Variants in OR51B5 observed in about 807,000 individuals in gnomAD.
The protein encoded by OR51B5 is olfactory receptor 51B5.
For synonymous variants in OR51B5, 186 were observed against 144.8 expected (o/e 1.28, Z -2.04); for missense variants, 456 against 374.6 (o/e 1.22, Z -1.79).
At chr11:5,405,020 C>G (rs1221940001) in intron 1 of OR51B5, among the ~76,000 whole-genome samples, 1 of 152,150 alleles carries the variant, frequency 6.6e-6, no homozygotes, top group African/African-American at 2.4e-5. Context: ...ACCAAGAACC[C>G]ACCGTTGCAG....
At chr11:5,360,767 T>G (rs1849271764) in intron 1 of OR51B5, among the ~76,000 whole-genome samples, 1 of 147,458 alleles carries the variant, frequency 6.8e-6, no homozygotes. Flanking sequence ...ATAGACTGGA[T>G]TAAGAAAACG....
intron 1 of OR51B5, among the ~76,000 whole-genome samples, chr11:5,359,167 A>T (rs948129511): frequency 2.0e-5 from 3 of 152,066 alleles, no homozygotes; most frequent in South Asian, 2.1e-4. Flanking sequence ...GAGAAGGAAA[A>T]AAAGGTATTC....
At chr11:5,355,933 AAACT>A (rs1469380301) in intron 1 of OR51B5, among the ~76,000 whole-genome samples, 4 of 152,190 alleles carry the variant, frequency 2.6e-5, no homozygotes, top group Non-Finnish European at 5.9e-5. Flanking sequence ...GTTAGAAGGA[AAACT>A]AACAAACAGA....
Position 5,453,872 on chromosome 11 carries a change from C to T in OR51B5, n.84+51697G>A, listed in dbSNP as rs1008809851. 37 of 1,614,214 alleles carry T rather than the reference C, an allele frequency of 2.3e-5. No homozygotes were observed. In the African/African-American group the frequency reaches 4.4e-4, roughly 19 times the overall value. The stretch of plus-strand genomic sequence containing the variant: ...TTGACCGCTATGTGGCCATTTGTGA[C>T]CCCTTGCGCTATGCAACTGTGCTCA... On this transcript the variant is annotated intron_variant and non_coding_transcript_variant, in intron 1 of 4. Transcript: ENST00000415970.
chr11:5,422,837 C>A (rs755829195), intron 1 of OR51B5: 1 of 1,614,130 alleles, frequency 6.2e-7, no homozygotes, highest in Non-Finnish European at 8.5e-7. Context: ...TATCGTGGAT[C>A]CTCTGCTCAT....
chr11:5,415,341 C>T (rs1392771398), intron 1 of OR51B5, among the ~76,000 whole-genome samples: 1 of 150,826 alleles, frequency 6.6e-6, no homozygotes, highest in Non-Finnish European at 1.5e-5. Context: ...CCAAAATTGA[C>T]ACCCTAACAT....
chr11:5,499,195 C>T (rs1851687713), intron 1 of OR51B5, among the ~76,000 whole-genome samples: 1 of 144,994 alleles, frequency 6.9e-6, no homozygotes, highest in Non-Finnish European at 1.5e-5. Context: ...GGCCCCAGTG[C>T]CTCCCTATCC....
chr11:5,449,397 C>G (rs1196121642), intron 1 of OR51B5: 4 of 152,254 alleles, frequency 2.6e-5, no homozygotes, highest in Non-Finnish European at 5.9e-5. Context: ...AATAAGCCAG[C>G]TGATTCTCCT....
chr11:5,342,675 G>A (rs779768548), exon 1 of OR51B5: 1 of 1,614,032 alleles, frequency 6.2e-7, no homozygotes, highest in Non-Finnish European at 8.5e-7. Context: ...GGATTCATTA[G>A]TGGAGGGAAC....
chr11:5,383,668 G>C (rs952401593), intron 1 of OR51B5: 2 of 152,180 alleles, frequency 1.3e-5, no homozygotes, highest in African/African-American at 4.8e-5. Flanking sequence ...TAAAAAGTTA[G>C]GGCTCTTCAG....
At chr11:5,379,258 C>G (rs1349771646) in intron 1 of OR51B5, among the ~76,000 whole-genome samples, 1 of 151,820 alleles carries the variant, frequency 6.6e-6, no homozygotes, top group Non-Finnish European at 1.5e-5. Context: ...GGGAACTGAA[C>G]AATGAGAACA....
intron 1 of OR51B5, among the ~76,000 whole-genome samples, chr11:5,384,425 C>A (rs1036950947): frequency 6.6e-6 from 1 of 152,168 alleles, no homozygotes; most frequent in Non-Finnish European, 1.5e-5. Context: ...AGAGTCTATG[C>A]ACAGAACCAG....
chr11:5,468,515 G>A, intron 1 of OR51B5: 1 of 371,216 alleles, frequency 2.7e-6, no homozygotes. Flanking sequence ...AACATCTTGT[G>A]TAGTCTCCTG....
intron 1 of OR51B5, among the ~76,000 whole-genome samples, chr11:5,459,034 T>C (rs1590008887): frequency 1.3e-5 from 2 of 152,322 alleles, no homozygotes; most frequent in South Asian, 4.1e-4. Flanking sequence ...TTGTTTCAGT[T>C]CTCAAAAGGA....
intron 1 of OR51B5, among the ~76,000 whole-genome samples, chr11:5,453,011 C>T (rs1449201222): frequency 3.7e-5 from 5 of 136,496 alleles, no homozygotes; most frequent in African/African-American, 7.5e-5. Flanking sequence ...GGGAAAGTCT[C>T]TCATTAATTT....
intron 1 of OR51B5, among the ~76,000 whole-genome samples, chr11:5,501,771 CTGTT>C (rs1846293872): frequency 6.7e-6 from 1 of 148,204 alleles, no homozygotes; most frequent in Non-Finnish European, 1.5e-5. Flanking sequence ...TAATTTCTCC[CTGTT>C]TATTATTATA....
At chr11:5,351,718 G>T in intron 1 of OR51B5, 1 of 1,613,998 alleles carries the variant, frequency 6.2e-7, no homozygotes, top group Non-Finnish European at 8.5e-7. Flanking sequence ...AGACCTCGGA[G>T]TGACATTGAC....
At chr11:5,421,229 G>C (rs114442979) in intron 1 of OR51B5, among the ~76,000 whole-genome samples, 1,568 of 152,258 alleles carry the variant, frequency 0.01, 32 homozygotes, top group African/African-American at 0.036. Flanking sequence ...ATCCTGAAGC[G>C]ACCTGCCACA....
chr11:5,412,185 C>T (rs562160936), intron 1 of OR51B5, among the ~76,000 whole-genome samples: 1 of 152,160 alleles, frequency 6.6e-6, no homozygotes, highest in African/African-American at 2.4e-5. Flanking sequence ...GGTAGTCCTT[C>T]TGATATGCAA....
Sources: allele counts gnomAD v4.1 joint callset (sites outside exome capture counted in the v4.1 genomes callset), GRCh38; gene constraint gnomAD v4.1.1; transcripts MANE v1.5; gene names NCBI Gene and HGNC (gene_info 2026-07-23, HGNC 2026-07-21).